CACNB4: variants seen among roughly 807,000 people sequenced by gnomAD.
The protein encoded by CACNB4 is calcium voltage-gated channel auxiliary subunit beta 4.
A neutral mutation model predicts 71.2 loss-of-function variants in CACNB4; 32 were observed. The observed-to-expected ratio is 0.45, with a 90% CI of 0.34 to 0.60. The LOEUF is 0.60. CACNB4 is among the 20% of genes least tolerant of loss of function. The probability of loss-of-function intolerance (pLI) is 0.01; values close to 1 mark genes in which losing one functional copy is unlikely to be tolerated. For missense variants in CACNB4, 464 were observed against 647.9 expected (o/e 0.72, Z 3.08); for synonymous variants, 231 against 236.9 (o/e 0.97, Z 0.23).
intron 2 of CACNB4, among the ~76,000 whole-genome samples, chr2:151,983,105 G>C (rs2099875003): frequency 6.6e-6 from 1 of 152,162 alleles, no homozygotes; most frequent in Non-Finnish European, 1.5e-5. Flanking sequence ...CTTACTTTCT[G>C]AAACCAAAGA....
intron 2 of CACNB4, among the ~76,000 whole-genome samples, chr2:151,923,005 G>GAA (rs1306218724): frequency 2.0e-5 from 3 of 152,220 alleles, no homozygotes; most frequent in African/African-American, 7.2e-5. Context: ...TCCCTGCCCA[G>GAA]TTGTGCAATA....
At chr2:152,082,810 C>G (rs775581035) in intron 2 of CACNB4, among the ~76,000 whole-genome samples, 7 of 152,106 alleles carry the variant, frequency 4.6e-5, no homozygotes, top group Non-Finnish European at 8.8e-5. Context: ...AGCTAGGCTC[C>G]CAGATTAGTC....
rs1422539793 is a variant in CACNB4 at position 151,854,020 on chromosome 2, G to T, written c.1021-477C>A. ...TTAATCAGACTATTCTGTGATTGGAGACCCAGGCAAAACATTTGTATTAGT... is the reference window on the plus strand; with the variant it reads ...TTAATCAGACTATTCTGTGATTGGATACCCAGGCAAAACATTTGTATTAGT... On this transcript the variant is annotated intron_variant, in intron 11 of 13. Coordinates refer to ENST00000539935, the MANE Select transcript of CACNB4 (RefSeq NM_000726.5). 2.6e-5 allele frequency: 4 copies of T among 154,352 alleles called. No homozygotes were observed. The East Asian group carries it at 7.7e-4, about 30-fold the overall frequency. The allele number at this position is 154,352 out of a possible 1,614,324, so 9.6% of individuals were successfully genotyped here. A position where few individuals can be genotyped will look rare whatever the true frequency, so the allele number is the denominator to read the frequency against.
chr2:151,864,475 G>A (rs1029249481), intron 9 of CACNB4, among the ~76,000 whole-genome samples: 5 of 152,172 alleles, frequency 3.3e-5, no homozygotes, highest in Admixed American at 1.3e-4. Flanking sequence ...CGCTGGTAAC[G>A]TAACAGCTGT....
chr2:151,932,590 T>C (rs1406106469), intron 2 of CACNB4, among the ~76,000 whole-genome samples: 1 of 151,910 alleles, frequency 6.6e-6, no homozygotes, highest in Non-Finnish European at 1.5e-5. Flanking sequence ...ATGCAGTCAT[T>C]GGGGTGGGCT....
intron 2 of CACNB4, among the ~76,000 whole-genome samples, chr2:151,925,472 T>C (rs542439408): frequency 6.6e-6 from 1 of 152,190 alleles, no homozygotes; most frequent in Non-Finnish European, 1.5e-5. Flanking sequence ...TAAAATCCTA[T>C]CAAGTTAATG....
In CACNB4 at chr2:151,875,074, AG is replaced by A. The variant is rs1217896229; in HGVS notation, c.521+1351del. ...TGTTTCTCGCAGAGGGGGATTTGGC[AG>A]GGTCACAGGACAATAGTGGAGGGAA... is the stretch of plus-strand genomic sequence containing the variant. On this transcript the variant is annotated intron_variant, in intron 5 of 13. Coordinates refer to ENST00000539935, the MANE Select transcript of CACNB4 (RefSeq NM_000726.5). The A allele has an allele frequency of 3.9e-5, 15 of 384,396 alleles. No homozygotes were observed. The East Asian group carries it at 5.3e-4, about 14-fold the overall frequency. 23.8% of individuals were successfully genotyped at this position (384,396 alleles called of 1,614,324 possible). A position where few individuals can be genotyped will look rare whatever the true frequency, so the allele number is the denominator to read the frequency against.
At chr2:152,075,061 G>A (rs1356767929) in intron 2 of CACNB4, among the ~76,000 whole-genome samples, 1 of 152,176 alleles carries the variant, frequency 6.6e-6, no homozygotes, top group African/African-American at 2.4e-5. Flanking sequence ...CCACCACCCT[G>A]CTTGAAAAGA....
At chr2:152,024,528 TA>T in intron 2 of CACNB4, among the ~76,000 whole-genome samples, 1 of 152,338 alleles carries the variant, frequency 6.6e-6, no homozygotes, top group South Asian at 2.1e-4. Flanking sequence ...TGGATAGCCC[TA>T]AAAAATGGCA....
chr2:152,099,077 G>A, upstream of CACNB4: 1 of 1,125,442 alleles, frequency 8.9e-7, no homozygotes, highest in Admixed American at 3.2e-5. Context: ...CCGAGGCTGG[G>A]CTGCGGACGG....
chr2:151,867,858 C>T (rs994993732), intron 9 of CACNB4: 3 of 152,190 alleles, frequency 2.0e-5, no homozygotes, highest in African/African-American at 7.2e-5. Context: ...TTCTCCCCTC[C>T]CCCAACTCTA....
At chr2:151,993,563 C>CTT (rs70974814) in intron 2 of CACNB4, among the ~76,000 whole-genome samples, 2 of 116,702 alleles carry the variant, frequency 1.7e-5, no homozygotes, top group African/African-American at 6.1e-5. Flanking sequence ...TTGGGGAGCA[C>CTT]TTTTTTTTTT....
intron 2 of CACNB4, among the ~76,000 whole-genome samples, chr2:151,893,031 A>T (rs1313673122): frequency 1.3e-5 from 2 of 152,234 alleles, no homozygotes; most frequent in African/African-American, 4.8e-5. Flanking sequence ...AGCCTTTTTA[A>T]TAGATATGAA....
intron 2 of CACNB4, among the ~76,000 whole-genome samples, chr2:151,958,009 A>G (rs1236611097): frequency 6.6e-6 from 1 of 152,226 alleles, no homozygotes; most frequent in Non-Finnish European, 1.5e-5. Flanking sequence ...TGGAATGCTA[A>G]CAGATATTAG....
intron 2 of CACNB4, among the ~76,000 whole-genome samples, chr2:151,898,267 C>T (rs773533055): frequency 8.5e-5 from 13 of 152,202 alleles, no homozygotes; most frequent in Non-Finnish European, 1.9e-4. Flanking sequence ...CTCTGGGCTG[C>T]GTGGCTCTGA....
At chr2:151,999,014 C>A (rs182494833) in intron 2 of CACNB4, among the ~76,000 whole-genome samples, 1 of 152,352 alleles carries the variant, frequency 6.6e-6, no homozygotes, top group Non-Finnish European at 1.5e-5. Context: ...CACCCCGGGG[C>A]TGAGCCTGAA....
chr2:152,088,730 C>A (rs540661201), intron 2 of CACNB4, among the ~76,000 whole-genome samples: 3 of 152,190 alleles, frequency 2.0e-5, no homozygotes, highest in Non-Finnish European at 4.4e-5. Flanking sequence ...GCTTTCAGAT[C>A]GTGAATGCCA....
At chr2:151,903,929 C>T (rs2099854109) in intron 2 of CACNB4, among the ~76,000 whole-genome samples, 1 of 152,088 alleles carries the variant, frequency 6.6e-6, no homozygotes, top group Non-Finnish European at 1.5e-5. Context: ...ATCTTTGTGT[C>T]CCCATTGTGG....
intron 2 of CACNB4, chr2:151,970,382 G>A (rs6725537): frequency 0.25 from 37,379 of 152,030 alleles, 4,812 homozygotes; most frequent in Middle Eastern, 0.44. Context: ...TCTCTGCTGC[G>A]TCCATGGATC....
Sources: allele counts gnomAD v4.1 joint callset (sites outside exome capture counted in the v4.1 genomes callset), GRCh38; gene constraint gnomAD v4.1.1; transcripts MANE v1.5; gene names NCBI Gene and HGNC (gene_info 2026-07-23, HGNC 2026-07-21).